The following ROBO2 variants were observed in gnomAD, a reference collection of about 807,000 sequenced individuals.
The protein encoded by ROBO2 is roundabout guidance receptor 2, also known as roundabout homolog 2.
A neutral mutation model predicts 160.8 loss-of-function variants in ROBO2; 53 were observed. That is an observed-to-expected ratio of 0.33 (90% CI 0.26 to 0.41). The LOEUF (loss-of-function observed/expected upper bound fraction) is 0.41, where lower values mean the gene tolerates loss of function less well. Ranked by LOEUF, ROBO2 falls within the 10% of genes least tolerant of loss-of-function variation. ROBO2 has a pLI of 1.00. For synonymous variants in ROBO2, 664 were observed against 611.7 expected, an observed-to-expected ratio of 1.09 and a Z score of -1.26; for missense variants, 1,577 against 1,722.4, an observed-to-expected ratio of 0.92 and a Z score of 1.49.
chr3:76,860,356 A>AT (rs2070625391), intron 2 of ROBO2, among the ~76,000 whole-genome samples: 1 of 152,228 alleles, frequency 6.6e-6, no homozygotes, highest in Admixed American at 6.5e-5. Context: ...AAATAAGAAA[A>AT]TTGAGATATC....
At chr3:77,569,700 T>G (rs1162248824) in intron 13 of ROBO2, among the ~76,000 whole-genome samples, 1 of 151,986 alleles carries the variant, frequency 6.6e-6, no homozygotes, top group Non-Finnish European at 1.5e-5. Context: ...TGAAGCCTCC[T>G]TCTTCCTTCT....
intron 2 of ROBO2, among the ~76,000 whole-genome samples, chr3:76,364,872 C>A (rs181930498): frequency 6.6e-6 from 1 of 152,016 alleles, no homozygotes; most frequent in Non-Finnish European, 1.5e-5. Context: ...GGGCAACCTA[C>A]GGTGTAAACT....
chr3:76,450,545 C>T (rs1278616742), intron 2 of ROBO2, among the ~76,000 whole-genome samples: 2 of 152,146 alleles, frequency 1.3e-5, no homozygotes, highest in Non-Finnish European at 2.9e-5. Flanking sequence ...CCAACTCCTG[C>T]ACTCAAGTGA....
chr3:77,508,547 T>G (rs997431258), intron 5 of ROBO2, among the ~76,000 whole-genome samples: 1 of 151,272 alleles, frequency 6.6e-6, no homozygotes, highest in Non-Finnish European at 1.5e-5. Context: ...CTGTAGTTGA[T>G]ATTAAAGTTC....
chr3:76,016,423 C>T (rs1019874800), intron 2 of ROBO2, among the ~76,000 whole-genome samples: 2 of 151,434 alleles, frequency 1.3e-5, no homozygotes, highest in Non-Finnish European at 2.9e-5. Context: ...CAGTATATCT[C>T]GTATCAGTGC....
At chr3:76,513,478 C>T (rs987453544) in intron 2 of ROBO2, among the ~76,000 whole-genome samples, 3 of 152,074 alleles carry the variant, frequency 2.0e-5, no homozygotes, top group African/African-American at 7.2e-5. Flanking sequence ...TGCCTCAGCC[C>T]CCTGAGCAGC....
intron 2 of ROBO2, among the ~76,000 whole-genome samples, chr3:77,359,444 GA>G (rs1236076914): frequency 6.6e-6 from 1 of 152,082 alleles, no homozygotes; most frequent in Non-Finnish European, 1.5e-5. Flanking sequence ...CATCCGTTTT[GA>G]AAAAACATTT....
At chr3:77,117,221 C>T (rs1432143039) in intron 2 of ROBO2, among the ~76,000 whole-genome samples, 1 of 151,966 alleles carries the variant, frequency 6.6e-6, no homozygotes, top group African/African-American at 2.4e-5. Context: ...ATTTTGGAAA[C>T]AATGTGACAT....
At chr3:76,251,916 A>T (rs1706028473) in intron 2 of ROBO2, among the ~76,000 whole-genome samples, 1 of 152,106 alleles carries the variant, frequency 6.6e-6, no homozygotes, top group African/African-American at 2.4e-5. Context: ...GGCTATGAAC[A>T]TCACAGAGAT....
intron 2 of ROBO2, among the ~76,000 whole-genome samples, chr3:76,219,652 G>T (rs986055147): frequency 2.0e-5 from 3 of 152,156 alleles, no homozygotes; most frequent in African/African-American, 7.2e-5. Context: ...AGTTAGAATG[G>T]CAATCATTAA....
intron 2 of ROBO2, among the ~76,000 whole-genome samples, chr3:76,680,128 A>T (rs542418088): frequency 6.6e-6 from 1 of 152,124 alleles, no homozygotes; most frequent in Admixed American, 6.6e-5. Context: ...GGCACCTAAA[A>T]CCTCAAATTC....
At chr3:75,909,040 T>A (rs1484337153) in intron 1 of ROBO2, among the ~76,000 whole-genome samples, 2 of 152,252 alleles carry the variant, frequency 1.3e-5, no homozygotes, top group Non-Finnish European at 2.9e-5. Flanking sequence ...CTAATGTATA[T>A]CTGATGTGGG....
intron 13 of ROBO2, among the ~76,000 whole-genome samples, chr3:77,572,858 C>A (rs1173005536): frequency 6.6e-6 from 1 of 151,942 alleles, no homozygotes; most frequent in East Asian, 1.9e-4. Flanking sequence ...GTAGTTAATA[C>A]ATGAAAGAAT....
Position 76,671,354 on chromosome 3 carries a change from A to G in ROBO2, c.110-426660A>G, listed in dbSNP as rs150432980. Among the ~76,000 whole-genome samples the G allele has an allele frequency of 2.7e-4, 41 of 152,260 alleles. No individual in the cohort carries two copies. In the East Asian group the frequency reaches 6.6e-3, roughly 24 times the overall value. On this transcript the variant is annotated intron_variant, in intron 2 of 26. Transcript: ENST00000487694. Reference sequence around the variant, plus strand: ...ATAACGCTGGCCTTCTCCCCTGTAGAACGTAAAACCTAAACTGAAACTTAC... The same window carrying G: ...ATAACGCTGGCCTTCTCCCCTGTAGGACGTAAAACCTAAACTGAAACTTAC...
intron 2 of ROBO2, among the ~76,000 whole-genome samples, chr3:76,793,240 T>C (rs2063480653): frequency 1.3e-5 from 2 of 151,890 alleles, no homozygotes; most frequent in South Asian, 4.1e-4. Context: ...TTTGAAAATA[T>C]GAACTTAACA....
At chr3:77,029,450 C>T (rs531369587) in intron 2 of ROBO2, among the ~76,000 whole-genome samples, 123 of 152,090 alleles carry the variant, frequency 8.1e-4, no homozygotes, top group Non-Finnish European at 1.5e-3. Flanking sequence ...AAAAGATGAG[C>T]GTTAAGCCTC....
intron 2 of ROBO2, among the ~76,000 whole-genome samples, chr3:76,963,681 T>C (rs1553708418): frequency 6.6e-6 from 1 of 151,912 alleles, no homozygotes; most frequent in Non-Finnish European, 1.5e-5. Flanking sequence ...CTTCTACCCA[T>C]ATTTGTTTAC....
At chr3:77,088,554 G>T (rs1311801432) in intron 1 of ROBO2, among the ~76,000 whole-genome samples, 1 of 151,982 alleles carries the variant, frequency 6.6e-6, no homozygotes, top group Non-Finnish European at 1.5e-5. Context: ...CACTCCCCAC[G>T]CTGCCCCTGA....
intron 6 of ROBO2, among the ~76,000 whole-genome samples, chr3:77,536,748 C>T (rs1344720260): frequency 6.6e-6 from 1 of 152,050 alleles, no homozygotes; most frequent in Non-Finnish European, 1.5e-5. Context: ...TGCCATGCAA[C>T]ATCTGAATTC....
Sources: gnomAD v4.1 joint callset for allele counts (sites outside exome capture counted in the v4.1 genomes callset) on GRCh38, gnomAD v4.1.1 for gene constraint, MANE v1.5 for transcripts, NCBI Gene and HGNC (gene_info 2026-07-23, HGNC 2026-07-21) for gene names.